The following ZNF510 variants were observed in gnomAD, a reference collection of about 807,000 sequenced individuals.
The protein encoded by ZNF510 is zinc finger protein 510.
In ZNF510, 15 loss-of-function variants were observed where a neutral mutation model predicts 18.1. The observed-to-expected ratio is 0.83, with a 90% confidence interval of 0.55 to 1.28. The LOEUF (loss-of-function observed/expected upper bound fraction) is 1.28. ZNF510 is among the 50% of genes most tolerant of loss of function. The probability of loss-of-function intolerance (pLI) is 0.00; values close to 1 mark genes in which losing one functional copy is unlikely to be tolerated. For missense variants in ZNF510, 724 were observed against 791.8 expected, an observed-to-expected ratio of 0.91 and a Z score of 1.03; for synonymous variants, 261 against 266.4, an observed-to-expected ratio of 0.98 and a Z score of 0.20.
chr9:96,772,736 G>C (rs1849607647), intron 3 of ZNF510, among the ~76,000 whole-genome samples: 1 of 152,180 alleles, frequency 6.6e-6, no homozygotes, highest in Admixed American at 6.5e-5. Flanking sequence ...ATAATAACAA[G>C]TGTTGCTCAG....
intron 3 of ZNF510, among the ~76,000 whole-genome samples, chr9:96,768,064 A>G (rs1849511329): frequency 6.6e-6 from 1 of 152,222 alleles, no homozygotes; most frequent in South Asian, 2.1e-4. Context: ...GGCTCACCAT[A>G]AGAAAATAAA....
chr9:96,761,963 G>A (rs2117951338), intron 5 of ZNF510, among the ~76,000 whole-genome samples: 1 of 152,082 alleles, frequency 6.6e-6, no homozygotes, highest in Non-Finnish European at 1.5e-5. Flanking sequence ...GGAATTACTT[G>A]GCTACAACAT....
intron 3 of ZNF510, among the ~76,000 whole-genome samples, chr9:96,768,111 C>T (rs1287209643): frequency 2.0e-5 from 3 of 151,960 alleles, no homozygotes; most frequent in African/African-American, 7.3e-5. Context: ...ATGAAGAAAA[C>T]AAGTCACACG....
In ZNF510 at chr9:96,768,262, C is replaced by T. The variant is rs913214597; in HGVS notation, c.130-4630G>A. 1.4e-4 allele frequency among the ~76,000 whole-genome samples: 21 copies of T among 151,334 alleles called. 1 individual carries two copies. Among genetic ancestry groups the T allele is most frequent in the South Asian group, 2.1e-4 (1 of 4,794 alleles). ...CTGAAAAACCACAGCTAACAGAATACGCTAGGCTAAAAAACAAGAAGGTTT... is the reference window on the plus strand; with the variant it reads ...CTGAAAAACCACAGCTAACAGAATATGCTAGGCTAAAAAACAAGAAGGTTT... On this transcript the variant is annotated intron_variant, in intron 3 of 5. Coordinates refer to ENST00000223428, the MANE Select transcript of ZNF510 (RefSeq NM_014930.3).
rs751815650 is a variant in ZNF510, at chr9:96,759,335, G to C, written c.1495C>G (p.Gln499Glu). Residue 499 changes from glutamine to glutamate, a missense_variant, in exon 6 of 6, where the codon CAG (glutamine) becomes GAG (glutamate). Gln to Glu is a conservative substitution (Grantham distance 29, BLOSUM62 2). Transcript: ENST00000223428. Reference sequence around the variant, plus strand: ...TGATGATCTCTGAGGGTGGACTTCTGAACAAAAGTTTTCCCACATTCACTA... The same window carrying C: ...TGATGATCTCTGAGGGTGGACTTCTCAACAAAAGTTTTCCCACATTCACTA... Reference protein sequence around the residue: ...ECSECGKTFVQKSTLRDHHRI... With the variant: ...ECSECGKTFVEKSTLRDHHRI... 2 of 1,614,096 alleles carry C rather than the reference G, an allele frequency of 1.2e-6. No homozygotes were observed. Among genetic ancestry groups the C allele is most frequent in the Non-Finnish European group, 1.7e-6 (2 of 1,179,990 alleles).
At chr9:96,764,660 T>C (rs1408797716) in intron 3 of ZNF510, among the ~76,000 whole-genome samples, 1 of 152,172 alleles carries the variant, frequency 6.6e-6, no homozygotes, top group African/African-American at 2.4e-5. Flanking sequence ...AAAGATAAAG[T>C]ATAATACAAC....
At position 96,763,809 on chromosome 9, in the gene ZNF510, T is replaced by A. The variant is rs534907984; in HGVS notation, c.130-177A>T. Reference sequence around the variant, plus strand: ...GAAGGTATTAAATTGGTAAAAGTTTTTATAGGAGAGGTGCAGTGGCTCATG... The same window carrying A: ...GAAGGTATTAAATTGGTAAAAGTTTATATAGGAGAGGTGCAGTGGCTCATG... On this transcript the variant is annotated intron_variant, in intron 3 of 5. Coordinates refer to ENST00000223428, the MANE Select transcript of ZNF510 (RefSeq NM_014930.3). 68 of 611,042 alleles carry A rather than the reference T, an allele frequency of 1.1e-4. No homozygotes were observed. The African/African-American group carries it at 1.3e-3, about 11-fold the overall frequency. The allele number at this position is 611,042 out of a possible 1,614,324, so 37.9% of individuals were successfully genotyped here.
intron 3 of ZNF510, among the ~76,000 whole-genome samples, chr9:96,773,700 C>G (rs920698500): frequency 6.6e-6 from 1 of 151,970 alleles, no homozygotes; most frequent in African/African-American, 2.4e-5. Flanking sequence ...CTCAGCCTCC[C>G]GAGTAGCTGG....
chr9:96,766,340 A>ATT (rs34263595), intron 3 of ZNF510, among the ~76,000 whole-genome samples: 31 of 142,522 alleles, frequency 2.2e-4, no homozygotes, highest in Middle Eastern at 3.7e-3. Context: ...CACCACTACT[A>ATT]TTTTTTTTTT....
chr9:96,769,437 C>CAAAAAAAAA (rs71485393), intron 3 of ZNF510, among the ~76,000 whole-genome samples: 7 of 126,324 alleles, frequency 5.5e-5, no homozygotes, highest in African/African-American at 2.2e-4. Context: ...ATTCCGTCTC[C>CAAAAAAAAA]AAAAAAAAAA....
intron 5 of ZNF510, among the ~76,000 whole-genome samples, chr9:96,762,204 TAAAAA>T (rs551652153): frequency 5.0e-5 from 5 of 99,460 alleles, no homozygotes; most frequent in South Asian, 6.2e-4. Context: ...CTGTGGAAAT[TAAAAA>T]AAAAAAAAAA....
Position 96,760,321 on chromosome 9 carries a change from G to A in ZNF510, c.509C>T (p.Thr170Ile), listed in dbSNP as rs1363973764. The A allele has an allele frequency of 6.2e-7, 1 of 1,613,794 alleles. No homozygotes were observed. Residue 170 changes from threonine to isoleucine, a missense_variant, in exon 6 of 6, where the codon ACA (threonine) becomes ATA (isoleucine). Physicochemically the swap from Thr to Ile is moderately conservative, Grantham distance 89. Coordinates refer to ENST00000223428, the MANE Select transcript of ZNF510 (RefSeq NM_014930.3). ...TGAGTTGCATTTGCAGGACATTTTT[G>A]TTGAAGCAACAGCAGCTACATGCAG... is the stretch of plus-strand genomic sequence containing the variant. ...FTLHVAAVASTKMSCKCNSWE... is the reference protein window; with the variant it reads ...FTLHVAAVASIKMSCKCNSWE...
intron 5 of ZNF510, 190 bp downstream of exon 5, chr9:96,762,928 T>G (rs1849385974): frequency 2.0e-6 from 1 of 501,522 alleles, no homozygotes; most frequent in Non-Finnish European, 3.6e-6. Flanking sequence ...TTTCACCTTT[T>G]GAATAATATA....
rs373024924 is a variant in ZNF510, at chr9:96,770,510, G to A, written c.129+4278C>T. On this transcript the variant is annotated intron_variant, in intron 3 of 5. Coordinates refer to ENST00000223428, the MANE Select transcript of ZNF510 (RefSeq NM_014930.3). Reference sequence around the variant, plus strand: ...CCAGCTACTTGGGAGGCTGAGGCAGGAGAACTGCTTGAACCTGAGGGGGCG... The same window carrying A: ...CCAGCTACTTGGGAGGCTGAGGCAGAAGAACTGCTTGAACCTGAGGGGGCG... 2.3e-3 allele frequency among the ~76,000 whole-genome samples: 344 copies of A among 152,056 alleles called. 3 individuals are homozygous for A. Among genetic ancestry groups the A allele is most frequent in the African/African-American group, 7.8e-3 (323 of 41,496 alleles).
chr9:96,760,573 T>G (rs1849322125), intron 5 of ZNF510, 96 bp from the exon 6 acceptor site: 1 of 1,121,826 alleles, frequency 8.9e-7, no homozygotes, highest in South Asian at 2.1e-5. Context: ...AATTATTTGA[T>G]TTATCAAGAT....
chr9:96,761,651 T>G (rs1849350424), intron 5 of ZNF510, among the ~76,000 whole-genome samples: 1 of 149,978 alleles, frequency 6.7e-6, no homozygotes, highest in Admixed American at 6.6e-5. Context: ...TCCTTGATTT[T>G]CTTCATAGTT....
At chr9:96,765,979 C>A (rs1849461780) in intron 3 of ZNF510, among the ~76,000 whole-genome samples, 1 of 152,010 alleles carries the variant, frequency 6.6e-6, no homozygotes. Flanking sequence ...TCATTATAAA[C>A]CAACAATATT....
intron 5 of ZNF510, 110 bp downstream of exon 5, chr9:96,763,008 C>T (rs1849388603): frequency 1.2e-6 from 1 of 843,404 alleles, no homozygotes; most frequent in Non-Finnish European, 2.0e-6. Context: ...GCTTTTTGTG[C>T]CTTTAGGCTT....
At chr9:96,775,808 G>A (rs767294601) in intron 2 of ZNF510, among the ~76,000 whole-genome samples, 192 bp downstream of exon 2, 20 of 152,216 alleles carry the variant, frequency 1.3e-4, no homozygotes, top group Non-Finnish European at 2.8e-4. Context: ...GATGTTGTGT[G>A]AGAGTGACTC....
Sources: gnomAD v4.1 joint callset for allele counts (sites outside exome capture counted in the v4.1 genomes callset) on GRCh38, gnomAD v4.1.1 for gene constraint, MANE v1.5 for transcripts, NCBI Gene and HGNC (gene_info 2026-07-23, HGNC 2026-07-21) for gene names.